RSL1D1: variants seen among roughly 807,000 people sequenced by gnomAD.
RSL1D1 encodes the protein ribosomal L1 domain-containing protein 1.
A neutral mutation model predicts 44.6 loss-of-function variants in RSL1D1; 34 were observed. The ratio of observed to expected loss-of-function variants is 0.76; its 90% CI spans 0.58 to 1.02. RSL1D1 has a LOEUF of 1.02. Among genes scored for constraint, RSL1D1 ranks in the 50% least tolerant of loss-of-function variants. RSL1D1 has a pLI of 0.00. For missense variants in RSL1D1, 767 were observed against 568.1 expected (o/e 1.35, Z -3.56); for synonymous variants, 271 against 207.4 (o/e 1.31, Z -2.63).
intron 7 of RSL1D1, among the ~76,000 whole-genome samples, chr16:11,840,895 C>T (rs913377621): frequency 6.6e-6 from 1 of 152,212 alleles, no homozygotes; most frequent in Admixed American, 6.5e-5. Context: ...ACCCTTTTCC[C>T]TGAGCTATCA....
In RSL1D1 at chr16:11,841,776, C is replaced by G. The variant is rs758033733; in HGVS notation, c.774G>C (p.Ser258=). Residue 258 remains serine (S), a synonymous_variant, in exon 7 of 9, where the codon TCG becomes TCC. Transcript: ENST00000571133. The part of the protein sequence containing the change: ...VKLLFVKTEK[S]AALPIFSSFV... Reference sequence around the variant, plus strand: ...ACGAGGAAAAGATGGGAAGTGCAGCCGATTTCTCAGTTTTCACAAACAGGA... The same window carrying G: ...ACGAGGAAAAGATGGGAAGTGCAGCGGATTTCTCAGTTTTCACAAACAGGA... The G allele has an allele frequency of 1.2e-6, 2 of 1,613,872 alleles. No individual in the cohort carries two copies. The highest frequency in any genetic ancestry group is 4.5e-5 in the East Asian group (2 of 44,888).
Position 11,846,778 on chromosome 16 carries a change from G to A in RSL1D1, c.450C>T (p.Ser150=). The A allele has an allele frequency of 1.9e-6, 3 of 1,613,216 alleles. No individual in the cohort carries two copies. Among genetic ancestry groups the A allele is most frequent in the Non-Finnish European group, 2.5e-6 (3 of 1,179,264 alleles). Residue 150 remains serine, a synonymous_variant, in exon 4 of 9, where the codon AGC becomes AGT. Coordinates refer to ENST00000571133, the MANE Select transcript of RSL1D1 (RefSeq NM_015659.3). Reference sequence around the variant, plus strand: ...CATCAGTAAGGAAGAAATCAAAACTGCTCAGAAGGCGGAGCTTGGCTTCAT... The same window carrying A: ...CATCAGTAAGGAAGAAATCAAAACTACTCAGAAGGCGGAGCTTGGCTTCAT... ...KSYEAKLRLL[S]SFDFFLTDAR... is the part of the protein sequence containing the mutation.
intron 7 of RSL1D1, 37 bp from the exon 8 acceptor site, chr16:11,840,022 C>G (rs772384695): frequency 2.7e-5 from 43 of 1,600,268 alleles, no homozygotes; most frequent in Non-Finnish European, 2.6e-6. Context: ...TTAGCAGGAA[C>G]AGTTCTGTTG....
chr16:11,840,445 A>G (rs866931218), intron 7 of RSL1D1, among the ~76,000 whole-genome samples: 1 of 152,270 alleles, frequency 6.6e-6, no homozygotes, highest in Middle Eastern at 3.4e-3. Context: ...ACGTGCCTGT[A>G]GTTCCAACTA....
chr16:11,846,963 T>C (rs1410398419), intron 3 of RSL1D1, 120 bp from the exon 4 acceptor site: 3 of 867,536 alleles, frequency 3.5e-6, no homozygotes, highest in African/African-American at 1.7e-5. Flanking sequence ...CTCTATACTT[T>C]AATGAACACT....
rs2053727205 is a variant in RSL1D1, at chr16:11,837,181, G to T, written c.*606C>A. ...TGTAGAGATGGGGTTTTACCAAGTT[G>T]CCCAGGCTAGTCTCAAACTCCTGGC... On this transcript the variant is annotated 3_prime_UTR_variant, in exon 9 of 9. Coordinates refer to ENST00000571133, the MANE Select transcript of RSL1D1 (RefSeq NM_015659.3). 6.6e-6 allele frequency: 1 copy of T among 150,766 alleles called. No homozygotes were observed. 9.3% of individuals were successfully genotyped at this position (150,766 alleles called of 1,614,324 possible). A position where few individuals can be genotyped will look rare whatever the true frequency, so the allele number is the denominator to read the frequency against.
At chr16:11,838,873 A>AAC (rs2053741448) in intron 8 of RSL1D1, among the ~76,000 whole-genome samples, 1 of 151,270 alleles carries the variant, frequency 6.6e-6, no homozygotes, top group South Asian at 2.1e-4. Flanking sequence ...AAAAAACAAA[A>AAC]AAAAACTGTG....
intron 1 of RSL1D1, among the ~76,000 whole-genome samples, chr16:11,850,620 C>T (rs2053830659): frequency 6.6e-6 from 1 of 152,080 alleles, no homozygotes; most frequent in African/African-American, 2.4e-5. Flanking sequence ...TCTAAGAATC[C>T]ATCAAACATG....
chr16:11,846,722 A>G lies in RSL1D1; in HGVS notation c.506T>C (p.Ile169Thr), dbSNP rs190507889. 5.9e-5 allele frequency: 96 copies of G among 1,614,056 alleles called. No homozygotes were observed. The highest frequency in any genetic ancestry group is 5.2e-4 in the Admixed American group (31 of 60,000). Residue 169 changes from isoleucine to threonine, a missense_variant, in exon 4 of 9, where the codon ATT (isoleucine) becomes ACT (threonine). Physicochemically the swap from Ile to Thr is moderately conservative, Grantham distance 89. Transcript: ENST00000571133. ...CTTTCTTTGATAGAAATGTCTCCCA[A>G]TGAGTGAGGGTAAGAGCCGCCTAAT... ...ARIRRLLPSL[I>T]GRHFYQRKKV...
chr16:11,850,536 C>T (rs2053830063), intron 1 of RSL1D1, 118 bp from the exon 2 acceptor site: 13 of 973,320 alleles, frequency 1.3e-5, no homozygotes, highest in Non-Finnish European at 1.7e-5. Flanking sequence ...TATTTTTTCC[C>T]TTCCAACTTC....
intron 8 of RSL1D1, among the ~76,000 whole-genome samples, chr16:11,839,137 G>A (rs1016400281): frequency 1.1e-4 from 17 of 151,406 alleles, no homozygotes; most frequent in South Asian, 8.3e-4. Context: ...AGGACAAGGC[G>A]GGCGGATCAC....
Position 11,837,793 on chromosome 16 carries a change from C to T in RSL1D1, c.1467G>A (p.Ser489=), listed in dbSNP as rs557829773. ...TCCAGTTGAATCACTGACTTTAGGTCGACTGGGGTACTTTGGGTTTTTTGG... is the reference window on the plus strand; with the variant it reads ...TCCAGTTGAATCACTGACTTTAGGTTGACTGGGGTACTTTGGGTTTTTTGG... ...KWPKKPKVPQ[S]T Residue 489 remains serine (S), a synonymous_variant, in exon 9 of 9, where the codon TCG becomes TCA. Transcript: ENST00000571133. The T allele has an allele frequency of 1.6e-5, 26 of 1,603,710 alleles. No homozygotes were observed. Among genetic ancestry groups the T allele is most frequent in the East Asian group, 4.5e-5 (2 of 44,780 alleles).
intron 5 of RSL1D1, among the ~76,000 whole-genome samples, chr16:11,845,580 T>C (rs2053791664): frequency 6.6e-6 from 1 of 152,334 alleles, no homozygotes; most frequent in African/African-American, 2.4e-5. Flanking sequence ...TAACTAAAAA[T>C]TCAGCTTCTA....
At chr16:11,846,965 A>C in intron 3 of RSL1D1, 122 bp from the exon 4 acceptor site, 2 of 866,736 alleles carry the variant, frequency 2.3e-6, no homozygotes, top group Non-Finnish European at 3.6e-6. Context: ...CTATACTTTA[A>C]TGAACACTTG....
chr16:11,846,204 A>C (rs2053796543), intron 5 of RSL1D1, among the ~76,000 whole-genome samples: 1 of 151,494 alleles, frequency 6.6e-6, no homozygotes, highest in Non-Finnish European at 1.5e-5. Flanking sequence ...CATCCTGGCT[A>C]ACTCGGTGAA....
rs565980886 is a variant in RSL1D1 at position 11,842,069 on chromosome 16, T to C, written c.636-69A>G. 176 of 1,114,120 alleles carry C rather than the reference T, an allele frequency of 1.6e-4. 2 individuals carry two copies. The African/African-American group carries it at 2.6e-3, about 17-fold the overall frequency. 69.0% of individuals were successfully genotyped at this position (1,114,120 alleles called of 1,614,324 possible). On this transcript the variant is annotated intron_variant, in intron 5 of 8. Coordinates refer to ENST00000571133, the MANE Select transcript of RSL1D1 (RefSeq NM_015659.3). The stretch of plus-strand genomic sequence containing the variant: ...TTTCAAAATAAACCAGGCAGGTATA[T>C]GAGAAATATAAATACATAATCCTCA...
Position 11,841,850 on chromosome 16 carries a change from A to G in RSL1D1, c.730-30T>C, listed in dbSNP as rs199980708. The stretch of plus-strand genomic sequence containing the variant: ...AACAAAGAAAAGAGTAACATCGTCT[A>G]CATATACTTTGTTTCTTTTAAATGA... On this transcript the variant is annotated intron_variant, in intron 6 of 8. Transcript: ENST00000571133. 84 of 1,612,486 alleles carry G rather than the reference A, an allele frequency of 5.2e-5. 1 individual carries two copies. The highest frequency in any genetic ancestry group is 8.0e-5 in the African/African-American group (6 of 74,860).
At chr16:11,842,553 G>C (rs367854930) in intron 5 of RSL1D1, among the ~76,000 whole-genome samples, 1 of 151,838 alleles carries the variant, frequency 6.6e-6, no homozygotes, top group African/African-American at 2.4e-5. Flanking sequence ...GTAGAGATGG[G>C]TTCTCACTCC....
chr16:11,847,473 A>G lies in RSL1D1; in HGVS notation c.384+195T>C, dbSNP rs2053806979. On this transcript the variant is annotated intron_variant, in intron 3 of 8. Coordinates refer to ENST00000571133, the MANE Select transcript of RSL1D1 (RefSeq NM_015659.3). ...GAGAAAAACAAGATGCTGTGGAAGT[A>G]CAGAGGAATGACACGAGCCACCTCT... 11 of 529,202 alleles carry G rather than the reference A, an allele frequency of 2.1e-5. No individual in the cohort carries two copies. The South Asian group carries it at 2.6e-4, about 13-fold the overall frequency. 32.8% of individuals were successfully genotyped at this position (529,202 alleles called of 1,614,324 possible).
Sources: allele counts gnomAD v4.1 joint callset (sites outside exome capture counted in the v4.1 genomes callset), GRCh38; gene constraint gnomAD v4.1.1; transcripts MANE v1.5; gene names NCBI Gene and HGNC (gene_info 2026-07-23, HGNC 2026-07-21).